Variants in DST observed in about 807,000 individuals in gnomAD.
DST encodes the protein dystonin.
Under a neutral mutation model 875.2 loss-of-function variants are expected in DST, and 253 were observed. The observed-to-expected ratio is 0.29, with a 90% CI of 0.26 to 0.32. DST has a LOEUF of 0.32. Among genes scored for constraint, DST ranks in the 10% least tolerant of loss-of-function variants. DST has a pLI of 1.00. For synonymous variants in DST, 3,124 were observed against 3,197.1 expected (o/e 0.98, Z 0.77); for missense variants, 8,287 against 9,111.6 (o/e 0.91, Z 3.68).
rs531818952 is a variant in DST, at chr6:56,510,909, T to C, written c.18780+288A>G. 2.6e-5 allele frequency among the ~76,000 whole-genome samples: 4 copies of C among 152,304 alleles called. 1 individual carries two copies. The South Asian group carries it at 8.3e-4, about 32-fold the overall frequency. Reference sequence around the variant, plus strand: ...TCTCCCCCAATGGCAAATATTACATTCTACTCAGGATGGACACTGAATTAA... The same window carrying C: ...TCTCCCCCAATGGCAAATATTACATCCTACTCAGGATGGACACTGAATTAA... On this transcript the variant is annotated intron_variant, in intron 73 of 103. Transcript: ENST00000680361.
chr6:56,926,651 T>C (rs1469899468), intron 2 of DST, among the ~76,000 whole-genome samples: 1 of 152,144 alleles, frequency 6.6e-6, no homozygotes, highest in African/African-American at 2.4e-5. Flanking sequence ...CAATAACAGG[T>C]GTTATTCCAC....
chr6:56,610,975 A>G (rs1563177676), intron 38 of DST, among the ~76,000 whole-genome samples: 1 of 152,180 alleles, frequency 6.6e-6, no homozygotes, highest in East Asian at 1.9e-4. Flanking sequence ...CTAATTTGCT[A>G]AGGTATACTA....
At chr6:56,924,832 G>A (rs1281122021) in intron 2 of DST, among the ~76,000 whole-genome samples, 2 of 152,114 alleles carry the variant, frequency 1.3e-5, no homozygotes, top group Admixed American at 1.3e-4. Flanking sequence ...TCCATCCACA[G>A]TGCAGGAGAG....
At chr6:56,569,332 AAAAAAAAC>A (rs1209196135) in intron 54 of DST, among the ~76,000 whole-genome samples, 27 of 146,430 alleles carry the variant, frequency 1.8e-4, no homozygotes, top group African/African-American at 7.1e-4. Flanking sequence ...CTCGAAAAAA[AAAAAAAAC>A]AAAAACACAC....
rs149243443 is a variant in DST at position 56,615,757 on chromosome 6, A to G, written c.4930-1273T>C. On this transcript the variant is annotated intron_variant, in intron 36 of 103. Transcript: ENST00000680361. The stretch of plus-strand genomic sequence containing the variant: ...CCTCTTCTATTGATAACCGAGAGTG[A>G]ACCTGTGGCTCTATCAACCCTCCTG... 2.2e-5 allele frequency: 35 copies of G among 1,614,018 alleles called. 1 individual carries two copies. The African/African-American group carries it at 4.4e-4, about 20-fold the overall frequency.
intron 39 of DST, 47 bp from the exon 40 acceptor site, chr6:56,609,391 TG>T: frequency 4.3e-6 from 6 of 1,391,378 alleles, no homozygotes; most frequent in Non-Finnish European, 4.9e-6. Context: ...TACACAAGGG[TG>T]GGCGGAGTTT....
At chr6:56,719,074 A>G (rs1461217218) in intron 5 of DST, among the ~76,000 whole-genome samples, 1 of 152,224 alleles carries the variant, frequency 6.6e-6, no homozygotes, top group Non-Finnish European at 1.5e-5. Flanking sequence ...CTGAGATTTA[A>G]AAAAATATTT....
At chr6:56,813,846 T>A (rs1171434716) in intron 4 of DST, among the ~76,000 whole-genome samples, 1 of 152,294 alleles carries the variant, frequency 6.6e-6, no homozygotes, top group Admixed American at 6.5e-5. Flanking sequence ...TAGAGTTTCA[T>A]TATGATGCTG....
rs1436531550 is a variant in DST at position 56,698,151 on chromosome 6, T to C, written c.1047+1502A>G. 2.0e-5 allele frequency among the ~76,000 whole-genome samples: 3 copies of C among 152,046 alleles called. No homozygotes were observed. The East Asian group carries it at 5.8e-4, about 29-fold the overall frequency. ...CTTTGATTACCTGGATCTCCATGAATGTCCTTCTGCTGAAACTATTCAGCT... is the reference window on the plus strand; with the variant it reads ...CTTTGATTACCTGGATCTCCATGAACGTCCTTCTGCTGAAACTATTCAGCT... On this transcript the variant is annotated intron_variant, in intron 9 of 103. Transcript: ENST00000680361.
chr6:56,466,009 G>T, intron 99 of DST, 69 bp downstream of exon 99: 2 of 1,276,534 alleles, frequency 1.6e-6, no homozygotes, highest in Non-Finnish European at 2.2e-6. Flanking sequence ...TGCCCAGTAT[G>T]TTTTGGTGCT....
chr6:56,605,342 G>C lies in DST; in HGVS notation c.9286C>G (p.Gln3096Glu). ...KLINSQFPFP[Q>E]ITNNEELNQK... ...TTAAGTTCTTCATTGTTTGTGATTT[G>C]TGGAAATGGAAACTGACTATTAATT... Residue 3096 changes from glutamine (Q) to glutamate (E), a missense_variant, in exon 40 of 104, where the codon CAA becomes GAA. Around this residue, in one of 10 missense-constraint regions of DST, gnomAD observed 3,138 missense variants for 3,116.6 expected, o/e 1.01. Coordinates refer to ENST00000680361, the MANE Select transcript of DST (RefSeq NM_001374736.1). 6.2e-7 allele frequency: 1 copy of C among 1,612,190 alleles called. No homozygotes were observed. The highest frequency in any genetic ancestry group is 1.1e-5 in the South Asian group (1 of 90,994).
intron 55 of DST, among the ~76,000 whole-genome samples, chr6:56,567,582 C>T (rs13197391): frequency 0.38 from 58,064 of 151,694 alleles, 11,462 homozygotes; most frequent in Admixed American, 0.44. Context: ...AAACTTCACA[C>T]TTCAGGAAAT....
intron 102 of DST, chr6:56,461,223 CAT>C (rs1380306200): frequency 6.6e-6 from 1 of 151,370 alleles, no homozygotes; most frequent in Non-Finnish European, 1.5e-5. Context: ...CATTTATCTA[CAT>C]ATGTGTATAC....
intron 4 of DST, among the ~76,000 whole-genome samples, chr6:56,808,362 T>C (rs918438197): frequency 6.6e-6 from 1 of 152,090 alleles, no homozygotes; most frequent in African/African-American, 2.4e-5. Context: ...GCAATAAAGT[T>C]TGAGGACAAA....
At chr6:56,617,960 A>G (rs775611596) in intron 36 of DST, 2 of 1,588,578 alleles carry the variant, frequency 1.3e-6, no homozygotes, top group Non-Finnish European at 1.7e-6. Flanking sequence ...TAGGTAGCTG[A>G]TAAGGTCTCA....
In DST at chr6:56,606,831, C is replaced by T; in HGVS notation, c.7797G>A (p.Gln2599=). 1 of 1,613,250 alleles carries T rather than the reference C, an allele frequency of 6.2e-7. No individual in the cohort carries two copies. Among genetic ancestry groups the T allele is most frequent in the Non-Finnish European group, 8.5e-7 (1 of 1,179,574 alleles). The change falls in exon 40 of 104, where the codon CAG becomes CAA. Residue 2599 remains glutamine (Q), a synonymous_variant. Transcript: ENST00000680361. ...DYETSLLNDQ[Q]NNTGTDTDSD... ...TATCAGTGTCTGTTCCTGTGTTATT[C>T]TGCTGATCATTCAGCAGTGACGTTT...
At position 56,494,082 on chromosome 6, in the gene DST, T is replaced by C. The variant is rs367596082; in HGVS notation, c.20322A>G (p.Thr6774=). The C allele has an allele frequency of 1.9e-6, 3 of 1,611,642 alleles. No individual in the cohort carries two copies. The highest frequency in any genetic ancestry group is 2.5e-6 in the Non-Finnish European group (3 of 1,178,594). The part of the protein sequence containing the change: ...MLARCPKSAE[T]NIDQDINNLK... ...AGTTATTTATGTCTTGGTCAATATT[T>C]GTCTCTGCAGATTTTGGGCATCTTG... Residue 6774 remains threonine, a synonymous_variant, in exon 83 of 104, where the codon ACA becomes ACG. Coordinates refer to ENST00000680361, the MANE Select transcript of DST (RefSeq NM_001374736.1).
chr6:56,859,193 A>G (rs538921964), intron 3 of DST, among the ~76,000 whole-genome samples: 1 of 152,338 alleles, frequency 6.6e-6, no homozygotes, highest in South Asian at 2.1e-4. Flanking sequence ...TGCTTTGTGT[A>G]TAGTGAGCAC....
At chr6:56,851,274 C>A (rs1420880771) in intron 4 of DST, 123 bp downstream of exon 4, 10 of 872,588 alleles carry the variant, frequency 1.1e-5, no homozygotes, top group Non-Finnish European at 1.8e-5. Context: ...CATCATCCTC[C>A]CCCACCTTGA....
Sources: gnomAD v4.1 joint callset for allele counts (sites outside exome capture counted in the v4.1 genomes callset) on GRCh38, gnomAD v4.1.1 for gene constraint, gnomAD v4.1.1 regional missense constraint, MANE v1.5 for transcripts, NCBI Gene and HGNC (gene_info 2026-07-23, HGNC 2026-07-21) for gene names.